Variants in CDK19 observed in about 807,000 individuals in gnomAD.
CDK19 encodes the protein cyclin-dependent kinase 19.
CDK19 carries 20 observed loss-of-function variants against 68.3 expected under a neutral mutation model. The ratio of observed to expected loss-of-function variants is 0.29; its 90% CI spans 0.21 to 0.43. The LOEUF (loss-of-function observed/expected upper bound fraction) is 0.43, where lower values mean the gene tolerates loss of function less well. Ranked by LOEUF, CDK19 falls within the 20% of genes least tolerant of loss-of-function variation. The pLI, the probability that CDK19 is intolerant of heterozygous loss-of-function variation, is 1.00. For missense variants in CDK19, 339 were observed against 623.5 expected, an observed-to-expected ratio of 0.54 and a Z score of 4.86; for synonymous variants, 221 against 222.8, an observed-to-expected ratio of 0.99 and a Z score of 0.07.
intron 1 of CDK19, among the ~76,000 whole-genome samples, chr6:110,786,550 C>G (rs1393318741): frequency 6.6e-6 from 1 of 152,116 alleles, no homozygotes; most frequent in Non-Finnish European, 1.5e-5. Flanking sequence ...GATGTTCTCC[C>G]TATTGGGTTT....
chr6:110,700,401 T>A (rs1410317288), intron 2 of CDK19, among the ~76,000 whole-genome samples: 1 of 151,972 alleles, frequency 6.6e-6, no homozygotes, highest in Non-Finnish European at 1.5e-5. Flanking sequence ...GCCAAAAAGG[T>A]TGGGGACTGC....
intron 1 of CDK19, among the ~76,000 whole-genome samples, chr6:110,753,288 C>T (rs1264643817): frequency 1.3e-5 from 2 of 151,800 alleles, no homozygotes; most frequent in Non-Finnish European, 2.9e-5. Context: ...TTTAGAATTC[C>T]AAGTCAGATA....
intron 4 of CDK19, chr6:110,645,693 C>T: frequency 2.6e-6 from 1 of 390,654 alleles, no homozygotes; most frequent in South Asian, 2.3e-5. Context: ...CCTCCAATTT[C>T]CGAACTCTTG....
chr6:110,755,033 T>C (rs1175768803), intron 1 of CDK19, among the ~76,000 whole-genome samples: 1 of 151,138 alleles, frequency 6.6e-6, no homozygotes, highest in Non-Finnish European at 1.5e-5. Context: ...TCCCTTCCCT[T>C]GTGAATCCTT....
chr6:110,725,818 A>G (rs1368659636), intron 2 of CDK19, among the ~76,000 whole-genome samples: 5 of 152,348 alleles, frequency 3.3e-5, no homozygotes, highest in South Asian at 4.1e-4. Context: ...TACAAATTCA[A>G]AGATAAACTT....
chr6:110,781,736 C>A (rs768837636), intron 1 of CDK19, among the ~76,000 whole-genome samples: 1 of 151,494 alleles, frequency 6.6e-6, no homozygotes, highest in Non-Finnish European at 1.5e-5. Flanking sequence ...CCCACCTACT[C>A]AGGAGGCTGA....
rs752965670 is a variant in CDK19, at chr6:110,626,944, G to T, written c.790+58C>A. Reference sequence around the variant, plus strand: ...AATATACATTAAAATATGCTTTTGAGAAGAAATGATTTTGAAATATGACTC... The same window carrying T: ...AATATACATTAAAATATGCTTTTGATAAGAAATGATTTTGAAATATGACTC... On this transcript the variant is annotated intron_variant, in intron 7 of 12. Transcript: ENST00000368911. 7.4e-6 allele frequency: 11 copies of T among 1,492,344 alleles called. No homozygotes were observed. In the African/African-American group the frequency reaches 1.5e-4, roughly 21 times the overall value. 92.4% of individuals were successfully genotyped at this position (1,492,344 alleles called of 1,614,324 possible). A position where few individuals can be genotyped will look rare whatever the true frequency, so the allele number is the denominator to read the frequency against.
Position 110,815,326 on chromosome 6 carries a change from T to C in CDK19, c.-190A>G, listed in dbSNP as rs961578116. On this transcript the variant is annotated 5_prime_UTR_variant, in exon 1 of 13. Coordinates refer to ENST00000368911, the MANE Select transcript of CDK19 (RefSeq NM_015076.5). ...CTCCTCGGCGGCCACAGCAGCCACC[T>C]CCTCCACCTCTTCCTCCTCCTCCTC... 7.3e-5 allele frequency: 35 copies of C among 480,316 alleles called. No homozygotes were observed. Among genetic ancestry groups the C allele is most frequent in the Admixed American group, 4.6e-4 (10 of 21,564 alleles). The allele number at this position is 480,316 out of a possible 1,614,324, so 29.8% of individuals were successfully genotyped here. A position where few individuals can be genotyped will look rare whatever the true frequency, so the allele number is the denominator to read the frequency against.
intron 4 of CDK19, among the ~76,000 whole-genome samples, chr6:110,651,547 A>C (rs1780973806): frequency 6.6e-6 from 1 of 152,206 alleles, no homozygotes; most frequent in Non-Finnish European, 1.5e-5. Context: ...AGGCTGGGCA[A>C]CATGGTGAAA....
chr6:110,811,029 G>A (rs1319522416), intron 1 of CDK19, among the ~76,000 whole-genome samples: 1 of 151,952 alleles, frequency 6.6e-6, no homozygotes, highest in East Asian at 1.9e-4. Flanking sequence ...AGTTAGATGT[G>A]GATTACAGGC....
chr6:110,809,422 G>A (rs1426995493), intron 1 of CDK19, among the ~76,000 whole-genome samples: 1 of 152,024 alleles, frequency 6.6e-6, no homozygotes, highest in African/African-American at 2.4e-5. Context: ...AAGAGCCTGA[G>A]GCAGGAGGAT....
In CDK19 at chr6:110,815,119, CT is replaced by C; in HGVS notation, c.17del (p.Lys6ArgfsTer46). 1 of 1,601,588 alleles carries C rather than the reference CT, an allele frequency of 6.2e-7. No individual in the cohort carries two copies. The highest frequency in any genetic ancestry group is 8.5e-7 in the Non-Finnish European group (1 of 1,175,162). On this transcript the variant is annotated frameshift_variant, in exon 1 of 13. Coordinates refer to ENST00000368911, the MANE Select transcript of CDK19 (RefSeq NM_015076.5). LOFTEE classifies it high-confidence loss of function. ...GCTCCCGCTCCGCCGCCAGCTTCGC[CT>C]TGAAATCATAATCCATTGTCTGCTT... MDYDF[K>X]AKLAAERERV... is the part of the protein sequence containing the mutation.
rs1014490492 is a variant in CDK19 at position 110,770,776 on chromosome 6, A to G, written c.129-24575T>C. ...GAGCCTGTAAAATCAAAAGCAAGCT[A>G]GTCACTTCCTAGATACAATGGGGTA... On this transcript the variant is annotated intron_variant, in intron 1 of 12. Transcript: ENST00000368911. Among the ~76,000 whole-genome samples, 13 of 152,184 alleles carry G rather than the reference A, an allele frequency of 8.5e-5. 1 individual carries two copies. The highest frequency in any genetic ancestry group is 7.2e-4 in the Admixed American group (11 of 15,262).
At chr6:110,701,388 A>C (rs1355269717) in intron 2 of CDK19, among the ~76,000 whole-genome samples, 1 of 80,942 alleles carries the variant, frequency 1.2e-5, no homozygotes, top group Admixed American at 1.0e-4. Context: ...TAAAAATACA[A>C]AAAAAAAAAA....
intron 1 of CDK19, among the ~76,000 whole-genome samples, chr6:110,792,887 C>T (rs1387225078): frequency 6.6e-6 from 1 of 152,122 alleles, no homozygotes; most frequent in Non-Finnish European, 1.5e-5. Context: ...TAAACTAATG[C>T]TTTGCTGGAG....
intron 5 of CDK19, 83 bp downstream of exon 5, chr6:110,638,566 C>G: frequency 1.4e-6 from 1 of 734,826 alleles, no homozygotes; most frequent in Admixed American, 2.3e-5. Context: ...AATTAACTAC[C>G]TAAATAAGGG....
chr6:110,714,720 TTC>T (rs1775232639), intron 2 of CDK19, among the ~76,000 whole-genome samples: 1 of 30,006 alleles, frequency 3.3e-5, no homozygotes, highest in Admixed American at 8.6e-4. Context: ...AAAATGTCTT[TTC>T]TTTTTTTTTT....
At chr6:110,650,609 AGCC>A (rs1780901060) in intron 4 of CDK19, among the ~76,000 whole-genome samples, 1 of 152,190 alleles carries the variant, frequency 6.6e-6, no homozygotes, top group Non-Finnish European at 1.5e-5. Flanking sequence ...CTTCGGAGAA[AGCC>A]TCTTTGAGAA....
At chr6:110,671,758 G>A (rs773504108) in intron 2 of CDK19, among the ~76,000 whole-genome samples, 50 of 152,008 alleles carry the variant, frequency 3.3e-4, no homozygotes, top group Non-Finnish European at 7.4e-5. Context: ...AAAATAAACT[G>A]CTTACCCATT....
Sources: allele counts gnomAD v4.1 joint callset (sites outside exome capture counted in the v4.1 genomes callset), GRCh38; gene constraint gnomAD v4.1.1; transcripts MANE v1.5; gene names NCBI Gene and HGNC (gene_info 2026-07-23, HGNC 2026-07-21).